Variants in PIK3C2B observed in about 807,000 individuals in gnomAD.
PIK3C2B encodes phosphatidylinositol 4-phosphate 3-kinase C2 domain-containing subunit beta.
Under a neutral mutation model 184.3 loss-of-function variants are expected in PIK3C2B, and 83 were observed. That is an observed-to-expected ratio of 0.45 (90% CI 0.38 to 0.54). PIK3C2B has a LOEUF of 0.54. Among genes scored for constraint, PIK3C2B ranks in the 20% least tolerant of loss-of-function variants. The probability of loss-of-function intolerance (pLI) is 0.00; values close to 1 mark genes in which losing one functional copy is unlikely to be tolerated. For missense variants in PIK3C2B, 1,736 were observed against 2,113.5 expected (o/e 0.82, Z 3.50); for synonymous variants, 779 against 837.6 (o/e 0.93, Z 1.21).
intron 1 of PIK3C2B, among the ~76,000 whole-genome samples, chr1:204,481,704 C>A (rs374581697): frequency 1.3e-5 from 2 of 152,222 alleles, no homozygotes; most frequent in East Asian, 3.9e-4. Flanking sequence ...TGAGGGCACT[C>A]AGGCAAAGAG....
intron 12 of PIK3C2B, 81 bp from the exon 13 acceptor site, chr1:204,450,098 G>A: frequency 5.1e-6 from 6 of 1,185,368 alleles, no homozygotes; most frequent in African/African-American, 1.5e-5. Flanking sequence ...TCAGGCTGAG[G>A]CTGAGGCTGA....
intron 8 of PIK3C2B, among the ~76,000 whole-genome samples, chr1:204,458,696 G>T (rs1423115750): frequency 6.6e-6 from 1 of 152,054 alleles, no homozygotes; most frequent in Non-Finnish European, 1.5e-5. Flanking sequence ...GCTTCACCAT[G>T]TTGGCCAGGC....
At chr1:204,482,561 G>C (rs1458552259) in intron 1 of PIK3C2B, among the ~76,000 whole-genome samples, 2 of 152,130 alleles carry the variant, frequency 1.3e-5, no homozygotes, top group African/African-American at 2.4e-5. Context: ...GGCCGAGGTG[G>C]GCAGACTGAG....
At position 204,459,854 on chromosome 1, in the gene PIK3C2B, G is replaced by A. The variant is rs199978250; in HGVS notation, c.1566+24C>T. The A allele has an allele frequency of 3.6e-4, 573 of 1,603,870 alleles. 2 individuals carry two copies. The highest frequency in any genetic ancestry group is 4.7e-4 in the Admixed American group (28 of 59,996). On this transcript the variant is annotated intron_variant, in intron 8 of 32. Coordinates refer to ENST00000684373, the MANE Select transcript of PIK3C2B (RefSeq NM_001377334.1). ...AGAGGAGGAGCTTTCGGGCAGCAGG[G>A]CCAGCCCCTGGATTCGTACTCACAT... is the stretch of plus-strand genomic sequence containing the variant.
chr1:204,440,446 A>AC, intron 21 of PIK3C2B, 125 bp from the exon 22 acceptor site: 1 of 957,354 alleles, frequency 1.0e-6, no homozygotes, highest in Non-Finnish European at 1.5e-6. Flanking sequence ...CACACCCCTG[A>AC]CCTGCTCACT....
Position 204,433,718 on chromosome 1 carries a change from G to A in PIK3C2B, c.3843+75C>T, listed in dbSNP as rs61757995. 1.7e-5 allele frequency: 24 copies of A among 1,381,538 alleles called. No individual in the cohort carries two copies. Among genetic ancestry groups the A allele is most frequent in the African/African-American group, 2.9e-5 (2 of 70,104 alleles). 85.6% of individuals were successfully genotyped at this position (1,381,538 alleles called of 1,614,324 possible). On this transcript the variant is annotated intron_variant, in intron 25 of 32. Coordinates refer to ENST00000684373, the MANE Select transcript of PIK3C2B (RefSeq NM_001377334.1). The surrounding 1 kb of genome is among the most constrained non-coding windows in gnomAD (Gnocchi z 5.0). ...AGGTAAATCTCTAGAAATCCTCTGCGGCAAGACAGGGAAGTCTTAAAGATG... is the reference window on the plus strand; with the variant it reads ...AGGTAAATCTCTAGAAATCCTCTGCAGCAAGACAGGGAAGTCTTAAAGATG...
At chr1:204,476,654 G>A (rs1289328066) in intron 1 of PIK3C2B, among the ~76,000 whole-genome samples, 1 of 152,380 alleles carries the variant, frequency 6.6e-6, no homozygotes, top group South Asian at 2.1e-4. Flanking sequence ...TCCCTTGAAA[G>A]AGGAAGGGTA....
At chr1:204,431,378 T>C in intron 28 of PIK3C2B, 2 of 459,268 alleles carry the variant, frequency 4.4e-6, no homozygotes, top group Non-Finnish European at 8.0e-6. Flanking sequence ...ATTTTGCTTA[T>C]CCATTTGAAA....
At chr1:204,457,276 G>C (rs951391882) in intron 9 of PIK3C2B, among the ~76,000 whole-genome samples, 1 of 152,154 alleles carries the variant, frequency 6.6e-6, no homozygotes, top group Admixed American at 6.5e-5. Context: ...AGCAATCATC[G>C]GGTCCACCCT....
Position 204,447,614 on chromosome 1 carries a change from C to T in PIK3C2B, c.2347-36G>A, listed in dbSNP as rs1354270349. On this transcript the variant is annotated intron_variant, in intron 14 of 32. Coordinates refer to ENST00000684373, the MANE Select transcript of PIK3C2B (RefSeq NM_001377334.1). The surrounding 1 kb of genome is among the most constrained non-coding windows in gnomAD (Gnocchi z 4.1). ...AGATCAGGGATGTGAGGAGAGAAAACAGGCAGCGTGTGTGGACTCCCAGCT... is the reference window on the plus strand; with the variant it reads ...AGATCAGGGATGTGAGGAGAGAAAATAGGCAGCGTGTGTGGACTCCCAGCT... 1 of 1,554,868 alleles carries T rather than the reference C, an allele frequency of 6.4e-7. No individual in the cohort carries two copies. The highest frequency in any genetic ancestry group is 1.1e-5 in the South Asian group (1 of 89,686).
At chr1:204,472,187 G>A (rs573079121) in intron 1 of PIK3C2B, among the ~76,000 whole-genome samples, 2 of 144,120 alleles carry the variant, frequency 1.4e-5, no homozygotes, top group South Asian at 2.2e-4. Context: ...TTTTTGAGAC[G>A]GAGTCTCACT....
intron 18 of PIK3C2B, 92 bp from the exon 19 acceptor site, chr1:204,443,689 C>T: frequency 8.8e-7 from 1 of 1,135,218 alleles, no homozygotes; most frequent in Non-Finnish European, 1.3e-6. Flanking sequence ...CTCCAACTCA[C>T]TGCAAAACCC....
chr1:204,460,157 A>G (rs2999485), intron 7 of PIK3C2B, among the ~76,000 whole-genome samples, 167 bp downstream of exon 7: 142,835 of 152,274 alleles, frequency 0.94, 67,690 homozygotes, highest in East Asian at 1. Context: ...AGAGGGAAGA[A>G]ATGAAACATG....
chr1:204,486,271 A>G (rs1429616954), intron 1 of PIK3C2B, among the ~76,000 whole-genome samples: 2 of 151,796 alleles, frequency 1.3e-5, no homozygotes, highest in African/African-American at 4.8e-5. Context: ...GATGCGCGCC[A>G]GTAATCCCAG....
intron 1 of PIK3C2B, among the ~76,000 whole-genome samples, chr1:204,486,464 C>T (rs951245446): frequency 6.7e-6 from 1 of 150,280 alleles, no homozygotes; most frequent in African/African-American, 2.4e-5. Context: ...GGCACGGTGG[C>T]TCATGCCTGT....
chr1:204,489,703 T>C (rs1162855279), intron 1 of PIK3C2B: 2 of 386,448 alleles, frequency 5.2e-6, no homozygotes, highest in Non-Finnish European at 9.1e-6. Flanking sequence ...GGACAAACAC[T>C]CTGCTTTCAG....
At chr1:204,444,830 G>A (rs568403933) in intron 16 of PIK3C2B, among the ~76,000 whole-genome samples, 2 of 152,292 alleles carry the variant, frequency 1.3e-5, no homozygotes, top group South Asian at 2.1e-4. Flanking sequence ...AATGTACCAC[G>A]CAAATAACAG....
At chr1:204,475,153 AT>A (rs1367605100) in intron 1 of PIK3C2B, among the ~76,000 whole-genome samples, 1 of 152,086 alleles carries the variant, frequency 6.6e-6, no homozygotes, top group Non-Finnish European at 1.5e-5. Flanking sequence ...TCTTCCTAAA[AT>A]GTAAATCTGA....
chr1:204,433,267 G>C lies in PIK3C2B; in HGVS notation c.3953+49C>G, dbSNP rs557992306. The C allele has an allele frequency of 1.7e-5, 17 of 1,006,864 alleles. No individual in the cohort carries two copies. The South Asian group carries it at 2.2e-4, about 13-fold the overall frequency. 62.4% of individuals were successfully genotyped at this position (1,006,864 alleles called of 1,614,324 possible). On this transcript the variant is annotated intron_variant, in intron 26 of 32. Transcript: ENST00000684373. The surrounding 1 kb of genome is among the most constrained non-coding windows in gnomAD (Gnocchi z 5.0). ...CTCCTCCTGCCAATCCGGCAGGCTG[G>C]GAATTACTCAGGGTGGGCAGTGCTG... is the stretch of plus-strand genomic sequence containing the variant.
Sources: allele counts gnomAD v4.1 joint callset (sites outside exome capture counted in the v4.1 genomes callset), GRCh38; gene constraint gnomAD v4.1.1; non-coding constraint Gnocchi (gnomAD v3.1); transcripts MANE v1.5; gene names NCBI Gene and HGNC (gene_info 2026-07-23, HGNC 2026-07-21).